The following NEB variants were observed in gnomAD, a reference collection of about 807,000 sequenced individuals.
The protein encoded by NEB is nemaline myopathy type 2.
A neutral mutation model predicts 952.2 loss-of-function variants in NEB; 512 were observed. The ratio of observed to expected loss-of-function variants is 0.54; its 90% CI spans 0.50 to 0.58. NEB has a LOEUF of 0.58. Ranked by LOEUF, NEB falls within the 20% of genes least tolerant of loss-of-function variation. The pLI, the probability that NEB is intolerant of heterozygous loss-of-function variation, is 0.00. For missense variants in NEB, 8,428 were observed against 9,231.1 expected (o/e 0.91, Z 3.56); for synonymous variants, 2,900 against 3,149.8 (o/e 0.92, Z 2.66).
chr2:151,633,118 A>T (rs2098701136), intron 65 of NEB, among the ~76,000 whole-genome samples: 1 of 152,158 alleles, frequency 6.6e-6, no homozygotes, highest in Non-Finnish European at 1.5e-5. Context: ...TCATATCCAG[A>T]TTTGAGATAG....
chr2:151,632,509 C>A (rs2098688984), intron 65 of NEB, among the ~76,000 whole-genome samples: 1 of 151,818 alleles, frequency 6.6e-6, no homozygotes, highest in Admixed American at 6.6e-5. Flanking sequence ...AACCCCATCT[C>A]CACTAAAAAT....
Position 151,644,037 on chromosome 2 carries a change from A to G in NEB, c.7737T>C (p.His2579=), listed in dbSNP as rs528614990. 36 of 1,613,912 alleles carry G rather than the reference A, an allele frequency of 2.2e-5. 1 individual carries two copies. The highest frequency in any genetic ancestry group is 1.6e-4 in the Middle Eastern group (1 of 6,062). Residue 2579 remains histidine, a synonymous_variant, in exon 57 of 182, where the codon CAT becomes CAC. Coordinates refer to ENST00000397345, the MANE Select transcript of NEB (RefSeq NM_001164508.2). ...CCCTGTCACTCTGGATCTTGGCCAC[A>G]TGCATGGACCACATCATCTTGGGGT... ...EDDPKMMWSM[H]VAKIQSDREY...
chr2:151,706,923 T>C lies in NEB; in HGVS notation c.1110A>G (p.Pro370=), dbSNP rs1236284276. 1 of 1,606,770 alleles carries C rather than the reference T, an allele frequency of 6.2e-7. No homozygotes were observed. The highest frequency in any genetic ancestry group is 2.2e-5 in the East Asian group (1 of 44,850). The part of the protein sequence containing the change: ...DYNVLPASEN[P]QLRQLKAAGD... ...CTGCTGCCTTCAGCTGCCTAAGCTG[T>C]GGGTTCTCTGAAGCAGGAAGCACAT... is the stretch of plus-strand genomic sequence containing the variant. The change falls in exon 13 of 182, where the codon CCA becomes CCG. Residue 370 remains proline (P), a synonymous_variant. Transcript: ENST00000397345.
At chr2:151,550,594 G>T (rs1461863601) in intron 129 of NEB, among the ~76,000 whole-genome samples, 1 of 152,082 alleles carries the variant, frequency 6.6e-6, no homozygotes, top group Non-Finnish European at 1.5e-5. Context: ...CTGTCTCTTG[G>T]AGTTTAGGAT....
At position 151,650,675 on chromosome 2, in the gene NEB, C is replaced by G. The variant is rs141155976; in HGVS notation, c.7126G>C (p.Val2376Leu). 2,340 of 1,613,870 alleles carry G rather than the reference C, an allele frequency of 1.4e-3. 2 individuals carry two copies. The highest frequency in any genetic ancestry group is 4.6e-3 in the Middle Eastern group (28 of 6,060). Residue 2376 changes from valine (V) to leucine (L), a missense_variant, in exon 53 of 182, where the codon GTT (valine) becomes CTT (leucine). Coordinates refer to ENST00000397345, the MANE Select transcript of NEB (RefSeq NM_001164508.2). Reference protein sequence around the residue: ...VVLAKKCQELVSDVDYKNYLH... With the variant: ...VVLAKKCQELLSDVDYKNYLH... ...TAGTTCTTGTAGTCCACGTCACTAA[C>G]CAACTCCTGACACTTCTTGGCCAGT...
chr2:151,716,652 T>C (rs2150320637), intron 10 of NEB, among the ~76,000 whole-genome samples: 1 of 152,246 alleles, frequency 6.6e-6, no homozygotes. Flanking sequence ...ATTATCCATA[T>C]CATTTCATCA....
At position 151,627,719 on chromosome 2, in the gene NEB, C is replaced by T. The variant is rs1190414852; in HGVS notation, c.9947G>A (p.Arg3316Lys). Residue 3316 changes from arginine to lysine, a missense_variant, in exon 69 of 182, where the codon AGG becomes AAG. Transcript: ENST00000397345. ...SMHVAKIQSD[R>K]EYKKDFEKWK... ...CTTCTCAAAGTCCTTCTTATACTCC[C>T]TGTCACTCTGGATCTTGGCCACATG... 6.2e-7 allele frequency: 1 copy of T among 1,613,980 alleles called. No individual in the cohort carries two copies. Among genetic ancestry groups the T allele is most frequent in the Non-Finnish European group, 8.5e-7 (1 of 1,179,880 alleles).
At chr2:151,507,750 C>T in intron 162 of NEB, 1 of 416,618 alleles carries the variant, frequency 2.4e-6, no homozygotes, top group Non-Finnish European at 4.3e-6. Flanking sequence ...ATGAACCTTG[C>T]CATGGGTGAG....
At chr2:151,647,076 G>T (rs1009803689) in intron 54 of NEB, among the ~76,000 whole-genome samples, 2 of 151,980 alleles carry the variant, frequency 1.3e-5, no homozygotes, top group Non-Finnish European at 2.9e-5. Flanking sequence ...AAGACAAGGG[G>T]ATCCAAACAA....
At position 151,490,430 on chromosome 2, in the gene NEB, T is replaced by C. The variant is rs576696191; in HGVS notation, c.25239A>G (p.Glu8413=). ...SGGEEKSEHS[E]APDHHLSTYS... Reference sequence around the variant, plus strand: ...AAGTCGAAAGGTGGTGGTCTGGTGCTTCTGAATGCTCAGACTTCTCCTCAC... The same window carrying C: ...AAGTCGAAAGGTGGTGGTCTGGTGCCTCTGAATGCTCAGACTTCTCCTCAC... The change falls in exon 180 of 182, where the codon GAA becomes GAG. Residue 8413 remains glutamate, a synonymous_variant. Transcript: ENST00000397345. 1.6e-5 allele frequency: 26 copies of C among 1,602,856 alleles called. No individual in the cohort carries two copies. Among genetic ancestry groups the C allele is most frequent in the Admixed American group, 1.5e-4 (9 of 58,882 alleles).
Position 151,665,511 on chromosome 2 carries a change from C to G in NEB, c.5060G>C (p.Trp1687Ser), listed in dbSNP as rs1377396937. 1.2e-6 allele frequency: 2 copies of G among 1,609,494 alleles called. No individual in the cohort carries two copies. The highest frequency in any genetic ancestry group is 1.7e-5 in the Admixed American group (1 of 59,382). ...DNLYKSDFTN[W>S]MKGIGWVPIE... ...GGGCACCCAGCCGATCCCTTTCATC[C>G]AATTGGTGAAGTCAGATTTGTACAG... The change falls in exon 42 of 182, where the codon TGG becomes TCG. Residue 1687 changes from tryptophan to serine, a missense_variant. By Grantham distance (177) the Trp-to-Ser change is radical. Transcript: ENST00000397345.
At chr2:151,569,752 C>T (rs541710927) in intron 109 of NEB, among the ~76,000 whole-genome samples, 1 of 152,268 alleles carries the variant, frequency 6.6e-6, no homozygotes, top group South Asian at 2.1e-4. Flanking sequence ...AAAAGCATGT[C>T]TGTGCCTACA....
At chr2:151,518,650 A>G (rs774973385) in intron 155 of NEB, among the ~76,000 whole-genome samples, 5 of 152,246 alleles carry the variant, frequency 3.3e-5, no homozygotes, top group Admixed American at 1.3e-4. Context: ...AGTAGGTGTT[A>G]TAAGTAAAAA....
Position 151,609,887 on chromosome 2 carries a change from A to G in NEB, c.12252T>C (p.Asn4084=), listed in dbSNP as rs2153971513. 4 of 1,613,554 alleles carry G rather than the reference A, an allele frequency of 2.5e-6. No individual in the cohort carries two copies. Among genetic ancestry groups the G allele is most frequent in the Middle Eastern group, 1.7e-4 (1 of 6,060 alleles). The stretch of plus-strand genomic sequence containing the variant: ...GCATGCATGTCCATTCATGCAGGTA[A>G]TTGCGATAATCAATGTCAGTGACCA... ...QTLVTDIDYR[N]YLHEWTCMPD... The change falls in exon 81 of 182, where the codon AAT becomes AAC. Residue 4084 remains asparagine, a synonymous_variant. Transcript: ENST00000397345.
intron 105 of NEB, among the ~76,000 whole-genome samples, chr2:151,579,011 G>T (rs1282732521): frequency 3.3e-5 from 5 of 150,050 alleles, no homozygotes; most frequent in Non-Finnish European, 7.4e-5. Flanking sequence ...AACCTGGGAG[G>T]CGGAGGTTGC....
chr2:151,547,638 C>T lies in NEB; in HGVS notation c.20258G>A (p.Ser6753Asn), dbSNP rs2094881047. Residue 6753 changes from serine to asparagine, a missense_variant, in exon 132 of 182, where the codon AGT becomes AAT. Transcript: ENST00000397345. ...RQVKKTQEAVSELIYKSDFFK... is the reference protein window; with the variant it reads ...RQVKKTQEAVNELIYKSDFFK... ...CTTTCCTAAGAAAATACCCACCTCA[C>T]TGACAGCCTCTTGTGTCTTCTTGAC... The T allele has an allele frequency of 6.2e-7, 1 of 1,613,532 alleles. No homozygotes were observed. Among genetic ancestry groups the T allele is most frequent in the Non-Finnish European group, 8.5e-7 (1 of 1,179,650 alleles).
At chr2:151,605,995 T>G (rs1256691838) in intron 84 of NEB, among the ~76,000 whole-genome samples, 1 of 99,808 alleles carries the variant, frequency 1.0e-5, no homozygotes, top group African/African-American at 2.7e-5. Flanking sequence ...TTTGTTTGTA[T>G]TTTTAGTAGA....
At chr2:151,577,726 A>T (rs2096928007) in intron 105 of NEB, among the ~76,000 whole-genome samples, 1 of 152,092 alleles carries the variant, frequency 6.6e-6, no homozygotes, top group African/African-American at 2.4e-5. Context: ...TTACAGGCAC[A>T]TGCCACCACG....
At chr2:151,703,094 T>G (rs904673032) in intron 13 of NEB, among the ~76,000 whole-genome samples, 6 of 149,760 alleles carry the variant, frequency 4.0e-5, no homozygotes, top group Non-Finnish European at 6.0e-5. Flanking sequence ...GTCTGTAAAG[T>G]ATTTTATTTC....
Sources: gnomAD v4.1 joint callset for allele counts (sites outside exome capture counted in the v4.1 genomes callset) on GRCh38, gnomAD v4.1.1 for gene constraint, MANE v1.5 for transcripts, NCBI Gene and HGNC (gene_info 2026-07-23, HGNC 2026-07-21) for gene names.